RHPN2: variants seen among roughly 807,000 people sequenced by gnomAD.
The protein encoded by RHPN2 is rhophilin-2.
RHPN2 carries 40 observed loss-of-function variants against 79.0 expected under a neutral mutation model. The ratio of observed to expected loss-of-function variants is 0.51; its 90% CI spans 0.39 to 0.66. The LOEUF is 0.66. Among genes scored for constraint, RHPN2 ranks in the 30% least tolerant of loss-of-function variants. The pLI, the probability that RHPN2 is intolerant of heterozygous loss-of-function variation, is 0.00. For missense variants in RHPN2, 686 were observed against 883.5 expected, an observed-to-expected ratio of 0.78 and a Z score of 2.83; for synonymous variants, 285 against 363.5, an observed-to-expected ratio of 0.78 and a Z score of 2.46.
At chr19:33,001,423 T>C (rs1377818734) in intron 9 of RHPN2, among the ~76,000 whole-genome samples, 5 of 152,072 alleles carry the variant, frequency 3.3e-5, no homozygotes, top group Admixed American at 1.3e-4. Context: ...GTGCCTGTAT[T>C]CCCAGCTATT....
intron 3 of RHPN2, among the ~76,000 whole-genome samples, chr19:33,024,837 G>A (rs1457512195): frequency 6.6e-6 from 1 of 151,890 alleles, no homozygotes; most frequent in South Asian, 2.1e-4. Context: ...CTACAGTCTC[G>A]ACCTCCCTGG....
At chr19:33,017,892 A>G (rs1233382243) in intron 4 of RHPN2, among the ~76,000 whole-genome samples, 4 of 151,888 alleles carry the variant, frequency 2.6e-5, no homozygotes, top group African/African-American at 9.7e-5. Flanking sequence ...ACGGTGGCTC[A>G]TGCCTCTAAT....
intron 6 of RHPN2, among the ~76,000 whole-genome samples, chr19:33,010,685 T>C (rs1971828696): frequency 6.7e-6 from 1 of 149,504 alleles, no homozygotes; most frequent in Admixed American, 6.7e-5. Flanking sequence ...GCCCAGCCTT[T>C]TTTTTTCTTG....
intron 2 of RHPN2, among the ~76,000 whole-genome samples, chr19:33,042,125 G>A (rs1200028954): frequency 2.0e-5 from 3 of 151,492 alleles, no homozygotes; most frequent in African/African-American, 4.9e-5. Context: ...GGAGGCAGAG[G>A]TTGCAGTGAG....
At chr19:32,992,469 G>C (rs1051022711) in intron 12 of RHPN2, among the ~76,000 whole-genome samples, 1 of 151,482 alleles carries the variant, frequency 6.6e-6, no homozygotes, top group African/African-American at 2.4e-5. Context: ...GGGATTAAAG[G>C]CGTGAGCCAC....
At chr19:33,045,615 A>C (rs371124088) in intron 1 of RHPN2, among the ~76,000 whole-genome samples, 2 of 151,988 alleles carry the variant, frequency 1.3e-5, no homozygotes, top group East Asian at 3.9e-4. Flanking sequence ...CTGGAATTAC[A>C]GGTGCCCACC....
chr19:32,983,055 TAC>T (rs57230466), intron 14 of RHPN2, among the ~76,000 whole-genome samples: 18,629 of 103,254 alleles, frequency 0.18, 1,661 homozygotes, highest in Non-Finnish European at 0.21. Context: ...CCCAGATCTC[TAC>T]ACACACACAC....
chr19:33,034,888 T>C (rs1182238396), intron 2 of RHPN2, among the ~76,000 whole-genome samples: 1 of 151,804 alleles, frequency 6.6e-6, no homozygotes, highest in Non-Finnish European at 1.5e-5. Context: ...TGCTTGAGGC[T>C]AGGAGTTCAA....
chr19:33,044,233 G>C lies in RHPN2; in HGVS notation c.185+16C>G, dbSNP rs1972123935. 6.3e-7 allele frequency: 1 copy of C among 1,585,666 alleles called. No individual in the cohort carries two copies. Among genetic ancestry groups the C allele is most frequent in the African/African-American group, 1.3e-5 (1 of 74,312 alleles). ...ACTAGGACTCAGGAGAGGCAGGGAA[G>C]CCAGAAGACACCTACTTCAGAAGGT... On this transcript the variant is annotated intron_variant, in intron 2 of 14. Coordinates refer to ENST00000254260, the MANE Select transcript of RHPN2 (RefSeq NM_033103.5).
chr19:33,055,679 C>G (rs1972225997), intron 1 of RHPN2, among the ~76,000 whole-genome samples: 2 of 147,898 alleles, frequency 1.4e-5, no homozygotes, highest in Non-Finnish European at 3.0e-5. Context: ...GCTCATTCAT[C>G]AAAGAGTAGA....
At chr19:33,007,882 G>C (rs1335557755) in intron 7 of RHPN2, 132 bp downstream of exon 7, 18 of 1,005,942 alleles carry the variant, frequency 1.8e-5, no homozygotes, top group Non-Finnish European at 2.7e-5. Context: ...TTCTTAATGG[G>C]AAGTTACACC....
chr19:32,988,977 A>C (rs887675124), intron 14 of RHPN2, among the ~76,000 whole-genome samples: 4 of 152,196 alleles, frequency 2.6e-5, no homozygotes, highest in African/African-American at 7.2e-5. Flanking sequence ...CACCCAACTG[A>C]TCCTCAATCA....
chr19:32,991,127 G>C (rs978659695), intron 13 of RHPN2, among the ~76,000 whole-genome samples: 11 of 151,794 alleles, frequency 7.2e-5, no homozygotes, highest in African/African-American at 2.2e-4. Flanking sequence ...TTCGAGACCA[G>C]CCTGGCCAAC....
In RHPN2 at chr19:33,026,625, T is replaced by G; in HGVS notation, c.193A>C (p.Thr65Pro). The G allele has an allele frequency of 6.2e-7, 1 of 1,606,666 alleles. No individual in the cohort carries two copies. The highest frequency in any genetic ancestry group is 8.5e-7 in the Non-Finnish European group (1 of 1,179,042). Residue 65 changes from threonine to proline, a missense_variant, in exon 3 of 15, where the codon ACA (threonine) becomes CCA (proline). By Grantham distance (38) the Thr-to-Pro change is conservative (BLOSUM62 -1). Transcript: ENST00000254260. ...ACTTGCTCCCGCACCTTTGAGTTTG[T>G]GGCCACTCTGTTCAAAGAGAAGAGG... is the stretch of plus-strand genomic sequence containing the variant. ...TGAENLLKVA[T>P]NSKVREQVRL...
chr19:33,015,974 T>TG (rs1444125657), intron 4 of RHPN2, among the ~76,000 whole-genome samples: 3 of 151,924 alleles, frequency 2.0e-5, no homozygotes, highest in Non-Finnish European at 4.4e-5. Flanking sequence ...CACTTGGACC[T>TG]GGGGGGCAGA....
intron 1 of RHPN2, among the ~76,000 whole-genome samples, chr19:33,057,437 C>G (rs965329500): frequency 1.3e-5 from 2 of 152,166 alleles, no homozygotes; most frequent in Non-Finnish European, 2.9e-5. Flanking sequence ...CGCCTGTAAT[C>G]CCAGCACTTT....
chr19:33,059,471 T>C (rs2039397304), intron 1 of RHPN2, among the ~76,000 whole-genome samples: 1 of 151,810 alleles, frequency 6.6e-6, no homozygotes, highest in African/African-American at 2.4e-5. Flanking sequence ...GCTCATTTTT[T>C]GTATTTTTAG....
chr19:33,032,514 A>T (rs1276643208), intron 2 of RHPN2, among the ~76,000 whole-genome samples: 1 of 152,178 alleles, frequency 6.6e-6, no homozygotes, highest in African/African-American at 2.4e-5. Context: ...GAGTGATCTC[A>T]TTAGCATACA....
At chr19:33,018,959 A>G (rs1268425839) in intron 4 of RHPN2, among the ~76,000 whole-genome samples, 1 of 148,522 alleles carries the variant, frequency 6.7e-6, no homozygotes, top group Admixed American at 6.9e-5. Context: ...TGAACCTGGG[A>G]GGCGGAGGTT....
Sources: gnomAD v4.1 joint callset for allele counts (sites outside exome capture counted in the v4.1 genomes callset) on GRCh38, gnomAD v4.1.1 for gene constraint, MANE v1.5 for transcripts, NCBI Gene and HGNC (gene_info 2026-07-23, HGNC 2026-07-21) for gene names.